SLC39A8: variants seen among roughly 807,000 people sequenced by gnomAD.
SLC39A8 encodes the protein solute carrier family 39 member 8.
SLC39A8 carries 15 observed loss-of-function variants against 40.4 expected under a neutral mutation model. The ratio of observed to expected loss-of-function variants is 0.37; its 90% confidence interval spans 0.25 to 0.57. SLC39A8 has a LOEUF of 0.57. Among genes scored for constraint, SLC39A8 ranks in the 20% least tolerant of loss-of-function variants. The probability of loss-of-function intolerance (pLI) is 0.75; values close to 1 mark genes in which losing one functional copy is unlikely to be tolerated. For missense variants in SLC39A8, 472 were observed against 558.8 expected, an observed-to-expected ratio of 0.84 and a Z score of 1.57; for synonymous variants, 223 against 221.6, an observed-to-expected ratio of 1.01 and a Z score of -0.06.
chr4:102,305,168 G>C (rs1029256958), intron 4 of SLC39A8, 57 bp from the exon 5 acceptor site: 14 of 1,539,418 alleles, frequency 9.1e-6, no homozygotes, highest in Non-Finnish European at 1.2e-5. Flanking sequence ...TTGATTTCTG[G>C]AAAATAATAC....
At chr4:102,328,153 T>C (rs1735298206) in intron 2 of SLC39A8, among the ~76,000 whole-genome samples, 1 of 152,200 alleles carries the variant, frequency 6.6e-6, no homozygotes, top group African/African-American at 2.4e-5. Flanking sequence ...TTTAGGTTTT[T>C]TATGTGTGTA....
At chr4:102,268,896 C>G (rs961570962) in intron 6 of SLC39A8, among the ~76,000 whole-genome samples, 1 of 152,188 alleles carries the variant, frequency 6.6e-6, no homozygotes, top group Non-Finnish European at 1.5e-5. Context: ...AACTAAAACA[C>G]TTTCCAGAAG....
At chr4:102,342,584 A>G (rs981932438) in intron 2 of SLC39A8, among the ~76,000 whole-genome samples, 4 of 152,336 alleles carry the variant, frequency 2.6e-5, no homozygotes, top group Admixed American at 2.6e-4. Flanking sequence ...TTCCAAGGTA[A>G]TTATGGGCTT....
At chr4:102,261,015 G>A (rs774178241), downstream of SLC39A8, among the ~76,000 whole-genome samples, 1 of 152,186 alleles carries the variant, frequency 6.6e-6, no homozygotes, top group Non-Finnish European at 1.5e-5. Context: ...AGAATGCCTT[G>A]TGCATACCTG....
rs573544349 is a variant in SLC39A8 at position 102,342,943 on chromosome 4, G to T, written c.219+1501C>A. On this transcript the variant is annotated intron_variant, in intron 2 of 8. Transcript: ENST00000356736. ...ATCCTCTAAACTTCTTTCCAAGCACGTGACCATACCTACCTGGAAATACTG... is the reference window on the plus strand; with the variant it reads ...ATCCTCTAAACTTCTTTCCAAGCACTTGACCATACCTACCTGGAAATACTG... Among the ~76,000 whole-genome samples the T allele has an allele frequency of 6.6e-5, 10 of 152,232 alleles. No homozygotes were observed. In the East Asian group the frequency reaches 1.9e-3, roughly 29 times the overall value.
In SLC39A8 at chr4:102,304,468, T is replaced by C; in HGVS notation, c.689A>G (p.His230Arg). ...AGGACCAAAGTTATCATTTCCAAAG[T>C]GGGTATGACCATTCTATATGGGAAC... ...LKTYGQNGHTHFGNDNFGPQE... is the reference protein window; with the variant it reads ...LKTYGQNGHTRFGNDNFGPQE... The change falls in exon 6 of 9, where the codon CAC (histidine) becomes CGC (arginine). Residue 230 changes from histidine to arginine, a missense_variant. This residue lies in a region of SLC39A8 where 239 missense variants were observed against 317.9 expected (regional missense o/e 0.75). Transcript: ENST00000356736. 1 of 1,610,748 alleles carries C rather than the reference T, an allele frequency of 6.2e-7. No homozygotes were observed. Among genetic ancestry groups the C allele is most frequent in the Non-Finnish European group, 8.5e-7 (1 of 1,177,954 alleles).
At chr4:102,259,997 A>T (rs1481733930), downstream of SLC39A8, among the ~76,000 whole-genome samples, 4 of 152,228 alleles carry the variant, frequency 2.6e-5, no homozygotes, top group Admixed American at 1.3e-4. Context: ...TTCAAGGTAA[A>T]TAAATAGTAC....
chr4:102,324,221 C>A (rs1364857661), intron 2 of SLC39A8: 29 of 336,952 alleles, frequency 8.6e-5, no homozygotes, highest in Non-Finnish European at 1.6e-4. Context: ...ATGGTGAAAC[C>A]CCGTCTATAC....
At chr4:102,342,183 T>G (rs1735972431) in intron 2 of SLC39A8, among the ~76,000 whole-genome samples, 1 of 152,222 alleles carries the variant, frequency 6.6e-6, no homozygotes, top group African/African-American at 2.4e-5. Flanking sequence ...ATTTAACCAA[T>G]GATTATTGTC....
intron 6 of SLC39A8, among the ~76,000 whole-genome samples, chr4:102,288,479 A>T (rs116243609): frequency 5.3e-5 from 8 of 152,064 alleles, no homozygotes; most frequent in African/African-American, 9.7e-5. Flanking sequence ...GTGATCAGGT[A>T]AAAGGAGAAT....
intron 2 of SLC39A8, among the ~76,000 whole-genome samples, chr4:102,328,435 C>T (rs1735310405): frequency 6.6e-6 from 1 of 151,896 alleles, no homozygotes. Context: ...ATGTCTAGAT[C>T]ATCTGCTTAA....
chr4:102,289,349 C>T (rs1374169161), intron 6 of SLC39A8, among the ~76,000 whole-genome samples: 1 of 152,118 alleles, frequency 6.6e-6, no homozygotes, highest in African/African-American at 2.4e-5. Context: ...CATCTAGTCA[C>T]CTAAGAGCTC....
intron 6 of SLC39A8, among the ~76,000 whole-genome samples, chr4:102,297,900 G>A (rs1418549098): frequency 1.3e-5 from 2 of 151,880 alleles, no homozygotes; most frequent in Non-Finnish European, 2.9e-5. Context: ...CCTGGGTTAT[G>A]GAGTGAGACC....
chr4:102,341,249 A>G (rs1303761397), intron 2 of SLC39A8, among the ~76,000 whole-genome samples: 1 of 152,214 alleles, frequency 6.6e-6, no homozygotes, highest in Non-Finnish European at 1.5e-5. Context: ...CAGAAGAAGA[A>G]ATTCTGAATG....
In SLC39A8 at chr4:102,288,611, A is replaced by T. The variant is rs144518173; in HGVS notation, c.840+15706T>A. On this transcript the variant is annotated intron_variant, in intron 6 of 8. Transcript: ENST00000356736. Reference sequence around the variant, plus strand: ...GCCAAACAGCCAAGCTGTGAATGCAAAGGAGAACTTCTTGAAGGAAATTAA... The same window carrying T: ...GCCAAACAGCCAAGCTGTGAATGCATAGGAGAACTTCTTGAAGGAAATTAA... 1.5e-3 allele frequency among the ~76,000 whole-genome samples: 221 copies of T among 152,278 alleles called. 1 individual carries two copies. Among genetic ancestry groups the T allele is most frequent in the Non-Finnish European group, 2.6e-3 (175 of 68,012 alleles).
chr4:102,302,758 G>A (rs905329009), intron 6 of SLC39A8, among the ~76,000 whole-genome samples: 1 of 151,876 alleles, frequency 6.6e-6, no homozygotes, highest in Non-Finnish European at 1.5e-5. Flanking sequence ...TTGCCCCCTA[G>A]GTTATTAGGA....
At chr4:102,288,204 C>T (rs751887998) in intron 6 of SLC39A8, among the ~76,000 whole-genome samples, 48 of 152,244 alleles carry the variant, frequency 3.2e-4, no homozygotes, top group Non-Finnish European at 6.2e-4. Context: ...GCAATTCTCA[C>T]AATATTTCAA....
chr4:102,282,242 G>C (rs1266556913), intron 6 of SLC39A8, among the ~76,000 whole-genome samples: 1 of 152,182 alleles, frequency 6.6e-6, no homozygotes, highest in Non-Finnish European at 1.5e-5. Context: ...AGCACTGTAG[G>C]CACTCAGTGA....
intron 2 of SLC39A8, among the ~76,000 whole-genome samples, chr4:102,324,819 G>C (rs913885314): frequency 1.3e-5 from 2 of 152,124 alleles, no homozygotes; most frequent in African/African-American, 4.8e-5. Context: ...ATTTAAAATG[G>C]TAGTTTGAAT....
Sources: allele counts gnomAD v4.1 joint callset (sites outside exome capture counted in the v4.1 genomes callset), GRCh38; gene constraint gnomAD v4.1.1; regional missense constraint gnomAD v4.1.1; transcripts MANE v1.5; gene names NCBI Gene and HGNC (gene_info 2026-07-23, HGNC 2026-07-21).